SLC17A8: variants seen among roughly 807,000 people sequenced by gnomAD.
SLC17A8 encodes the protein vesicular glutamate transporter 3.
Under a neutral mutation model 58.0 loss-of-function variants are expected in SLC17A8, and 31 were observed. That is an observed-to-expected ratio of 0.53 (90% CI 0.40 to 0.72). SLC17A8 has a LOEUF of 0.72. Among genes scored for constraint, SLC17A8 ranks in the 30% least tolerant of loss-of-function variants. The pLI, the probability that SLC17A8 is intolerant of heterozygous loss-of-function variation, is 0.00. For missense variants in SLC17A8, 655 were observed against 727.8 expected (o/e 0.90, Z 1.15); for synonymous variants, 228 against 249.0 (o/e 0.92, Z 0.79).
At chr12:100,400,026 C>G (rs7959071) in intron 5 of SLC17A8, among the ~76,000 whole-genome samples, 64,410 of 151,880 alleles carry the variant, frequency 0.42, 14,358 homozygotes, top group Non-Finnish European at 0.49. Context: ...TTGGTACTTA[C>G]CTTGTCAGGT....
At chr12:100,369,934 A>AC (rs1952547300) in intron 1 of SLC17A8, among the ~76,000 whole-genome samples, 1 of 152,226 alleles carries the variant, frequency 6.6e-6, no homozygotes, top group Non-Finnish European at 1.5e-5. Context: ...TATGGAAGTG[A>AC]CAATAGGGAG....
At chr12:100,394,714 C>A (rs927424553) in intron 4 of SLC17A8, among the ~76,000 whole-genome samples, 1 of 148,376 alleles carries the variant, frequency 6.7e-6, no homozygotes, top group Non-Finnish European at 1.5e-5. Context: ...CTAGTTACAT[C>A]TTTTTCAAAG....
At chr12:100,398,150 ATAAAG>A (rs1259030249) in intron 5 of SLC17A8, among the ~76,000 whole-genome samples, 1 of 152,222 alleles carries the variant, frequency 6.6e-6, no homozygotes, top group Non-Finnish European at 1.5e-5. Flanking sequence ...TGAAATAATA[ATAAAG>A]TAATCCTGAG....
chr12:100,391,693 C>T (rs1952718129), intron 3 of SLC17A8, among the ~76,000 whole-genome samples: 1 of 152,176 alleles, frequency 6.6e-6, no homozygotes, highest in Non-Finnish European at 1.5e-5. Flanking sequence ...GACCAATCAA[C>T]TCTGAGTCAG....
chr12:100,364,060 A>AAG (rs1401514086), intron 1 of SLC17A8, among the ~76,000 whole-genome samples: 1 of 151,580 alleles, frequency 6.6e-6, no homozygotes, highest in East Asian at 1.9e-4. Flanking sequence ...AAAAAAAAAA[A>AAG]AAAAAAAAAG....
At chr12:100,370,451 C>T (rs879396187) in intron 1 of SLC17A8, among the ~76,000 whole-genome samples, 1 of 151,586 alleles carries the variant, frequency 6.6e-6, no homozygotes, top group Non-Finnish European at 1.5e-5. Context: ...GCATGCACCA[C>T]CATGTCCAGC....
At chr12:100,384,695 C>T (rs960306944) in intron 2 of SLC17A8, among the ~76,000 whole-genome samples, 2 of 152,134 alleles carry the variant, frequency 1.3e-5, no homozygotes, top group African/African-American at 4.8e-5. Context: ...GACGCAGAAG[C>T]CAGCCTGAGG....
At chr12:100,403,942 G>A in intron 8 of SLC17A8, 96 bp from the exon 9 acceptor site, 4 of 1,414,084 alleles carry the variant, frequency 2.8e-6, no homozygotes, top group Non-Finnish European at 4.0e-6. Context: ...GGTGGTGGTA[G>A]GTAGGGGGGC....
At chr12:100,374,978 C>T (rs10860585) in intron 1 of SLC17A8, among the ~76,000 whole-genome samples, 85,926 of 151,344 alleles carry the variant, frequency 0.57, 25,292 homozygotes, top group East Asian at 0.99. Context: ...AGGGCTTTCC[C>T]TTTGATCGTT....
intron 1 of SLC17A8, among the ~76,000 whole-genome samples, chr12:100,375,833 C>G (rs545112294): frequency 6.6e-6 from 1 of 152,146 alleles, no homozygotes; most frequent in Admixed American, 6.5e-5. Flanking sequence ...TATGAGATAC[C>G]CATTACGATT....
chr12:100,405,755 TA>T (rs1016993508), intron 9 of SLC17A8, among the ~76,000 whole-genome samples: 9 of 152,184 alleles, frequency 5.9e-5, no homozygotes, highest in Non-Finnish European at 1.3e-4. Context: ...GAATAGATCT[TA>T]AAGACCCCTA....
chr12:100,392,068 G>C (rs975397077), intron 3 of SLC17A8, among the ~76,000 whole-genome samples: 1 of 152,142 alleles, frequency 6.6e-6, no homozygotes, highest in Non-Finnish European at 1.5e-5. Flanking sequence ...CCACTTGGGG[G>C]AGATGTTGTA....
intron 2 of SLC17A8, among the ~76,000 whole-genome samples, chr12:100,388,506 A>T (rs1266539831): frequency 6.6e-6 from 1 of 152,188 alleles, no homozygotes. Context: ...CCTTTTTACC[A>T]TTGAGCTTCA....
intron 2 of SLC17A8, among the ~76,000 whole-genome samples, chr12:100,388,726 T>G (rs142509798): frequency 9.8e-5 from 15 of 152,308 alleles, no homozygotes; most frequent in African/African-American, 3.6e-4. Flanking sequence ...TAAGCAGTGA[T>G]GAAAATTTAT....
In SLC17A8 at chr12:100,365,373, C is replaced by A. The variant is rs1952512884; in HGVS notation, c.101+7881C>A. On this transcript the variant is annotated intron_variant, in intron 1 of 11. Transcript: ENST00000323346. ...TTTTGCCAGAAACCTCATATAGTGT[C>A]TTTTCCTATTCAGATGACTTTAGTA... is the stretch of plus-strand genomic sequence containing the variant. 3.3e-5 allele frequency among the ~76,000 whole-genome samples: 5 copies of A among 152,290 alleles called. No individual in the cohort carries two copies. In the South Asian group the frequency reaches 1.0e-3, roughly 32 times the overall value.
At chr12:100,377,420 A>G (rs1222476251) in intron 1 of SLC17A8, among the ~76,000 whole-genome samples, 2 of 152,102 alleles carry the variant, frequency 1.3e-5, no homozygotes, top group East Asian at 3.9e-4. Context: ...CCTAGCTTAC[A>G]GATGAAGAAA....
At chr12:100,385,604 C>T (rs781417628) in intron 2 of SLC17A8, among the ~76,000 whole-genome samples, 8 of 152,022 alleles carry the variant, frequency 5.3e-5, no homozygotes, top group Non-Finnish European at 8.8e-5. Context: ...TCCCATGTTG[C>T]GGGGGAAGGT....
rs759169696 is a variant in SLC17A8, at chr12:100,402,350, G to C, written c.774G>C (p.Gly258=). ...SSVFYIYGMF[G]IIWYMFWLLQ... The stretch of plus-strand genomic sequence containing the variant: ...CTTTTTTAACTGCAGGCATGTTTGG[G>C]ATTATTTGGTACATGTTTTGGCTGT... Residue 258 remains glycine, a synonymous_variant, in exon 7 of 12, where the codon GGG becomes GGC. Coordinates refer to ENST00000323346, the MANE Select transcript of SLC17A8 (RefSeq NM_139319.3). The C allele has an allele frequency of 6.2e-7, 1 of 1,614,114 alleles. No individual in the cohort carries two copies. Among genetic ancestry groups the C allele is most frequent in the South Asian group, 1.1e-5 (1 of 91,076 alleles).
rs1952801730 is a variant in SLC17A8, at chr12:100,402,894, C to G, written c.1053+149C>G. ...TAGCCTGGCTGTCAGACAAGTTATA[C>G]ATTCTATGCATAGTATGCATAGCTG... is the stretch of plus-strand genomic sequence containing the variant. On this transcript the variant is annotated intron_variant, in intron 8 of 11. Coordinates refer to ENST00000323346, the MANE Select transcript of SLC17A8 (RefSeq NM_139319.3). The G allele has an allele frequency of 1.0e-5, 8 of 775,828 alleles. No individual in the cohort carries two copies. The Admixed American group carries it at 2.2e-4, about 22-fold the overall frequency. 48.1% of individuals were successfully genotyped at this position (775,828 alleles called of 1,614,324 possible).
Sources: gnomAD v4.1 joint callset for allele counts (sites outside exome capture counted in the v4.1 genomes callset) on GRCh38, gnomAD v4.1.1 for gene constraint, MANE v1.5 for transcripts, NCBI Gene and HGNC (gene_info 2026-07-23, HGNC 2026-07-21) for gene names.